The following COLEC10 variants were observed in gnomAD, a reference collection of about 807,000 sequenced individuals.
COLEC10 encodes collectin-10.
In COLEC10, 22 loss-of-function variants were observed where a neutral mutation model predicts 28.4. The ratio of observed to expected loss-of-function variants is 0.78; its 90% CI spans 0.55 to 1.11. COLEC10 has a LOEUF of 1.11. Among genes scored for constraint, COLEC10 ranks in the 50% least tolerant of loss-of-function variants. The pLI is 0.00. For synonymous variants in COLEC10, 125 were observed against 116.1 expected (o/e 1.08, Z -0.49); for missense variants, 361 against 344.1 (o/e 1.05, Z -0.39).
chr8:119,070,477 C>CTCTCTCTCTCTCTCT (rs1815088458), intron 1 of COLEC10, among the ~76,000 whole-genome samples: 1 of 101,796 alleles, frequency 9.8e-6, no homozygotes, highest in African/African-American at 4.2e-5. Flanking sequence ...CTCTCTCTCT[C>CTCTCTCTCTCTCTCT]CTTCCCCCTC....
the COLEC10 span, among the ~76,000 whole-genome samples, chr8:118,969,003 T>C: frequency 6.6e-6 from 1 of 152,036 alleles, no homozygotes; most frequent in Non-Finnish European, 1.5e-5. Context: ...TTTCACATAA[T>C]TGATTACATT....
the COLEC10 span, among the ~76,000 whole-genome samples, chr8:118,958,379 G>A: frequency 2.6e-5 from 4 of 152,192 alleles, no homozygotes; most frequent in Non-Finnish European, 5.9e-5. Flanking sequence ...CTGCTGGGAG[G>A]AGTTCCACTA....
intron 1 of COLEC10, among the ~76,000 whole-genome samples, chr8:119,072,630 C>T (rs1815146594): frequency 6.6e-6 from 1 of 152,128 alleles, no homozygotes; most frequent in Non-Finnish European, 1.5e-5. Flanking sequence ...GAGGCCCCTA[C>T]ACAGTGTTGA....
At chr8:119,084,600 G>T (rs1208303692) in intron 1 of COLEC10, among the ~76,000 whole-genome samples, 2 of 152,198 alleles carry the variant, frequency 1.3e-5, no homozygotes, top group Non-Finnish European at 2.9e-5. Flanking sequence ...CAAGATCACA[G>T]AACTCTATCA....
chr8:119,086,312 A>C (rs572286532), intron 1 of COLEC10, among the ~76,000 whole-genome samples: 1 of 152,324 alleles, frequency 6.6e-6, no homozygotes, highest in African/African-American at 2.4e-5. Context: ...TTTCTAAATG[A>C]AGTAAAATAG....
At chr8:119,014,001 C>G (rs567245654) in intron 2 of COLEC10, among the ~76,000 whole-genome samples, 4 of 150,656 alleles carry the variant, frequency 2.7e-5, no homozygotes, top group Admixed American at 6.6e-5. Flanking sequence ...TATTATTGCT[C>G]TCATTAATAT....
intron 1 of COLEC10, among the ~76,000 whole-genome samples, chr8:119,070,374 T>A (rs1174264461): frequency 1.3e-5 from 2 of 152,098 alleles, no homozygotes; most frequent in African/African-American, 4.8e-5. Flanking sequence ...TTGCAAGCCA[T>A]CATTATTTTT....
chr8:118,966,078 GA>G, the COLEC10 span, among the ~76,000 whole-genome samples: 2 of 151,954 alleles, frequency 1.3e-5, no homozygotes, highest in Admixed American at 6.6e-5. Flanking sequence ...AAGTTAAATG[GA>G]AAAAGACCAG....
intron 2 of COLEC10, among the ~76,000 whole-genome samples, chr8:119,037,817 A>C (rs1009525604): frequency 4.6e-5 from 7 of 152,190 alleles, no homozygotes; most frequent in African/African-American, 1.7e-4. Context: ...TTATTCATTA[A>C]AGTTTGCTTT....
At chr8:119,016,759 C>G (rs576483593) in intron 2 of COLEC10, among the ~76,000 whole-genome samples, 2 of 152,234 alleles carry the variant, frequency 1.3e-5, no homozygotes, top group Non-Finnish European at 2.9e-5. Context: ...GCTCTGTCAC[C>G]AGGCTGGAGT....
chr8:119,005,232 T>C (rs112027931), intron 1 of COLEC10, among the ~76,000 whole-genome samples: 2 of 152,200 alleles, frequency 1.3e-5, no homozygotes, highest in African/African-American at 4.8e-5. Flanking sequence ...ACCCTAGGAT[T>C]TACTGAGCAA....
chr8:119,051,225 A>C (rs1814667912), intron 2 of COLEC10, among the ~76,000 whole-genome samples: 1 of 152,208 alleles, frequency 6.6e-6, no homozygotes. Flanking sequence ...TAAATAATGT[A>C]CCCACTTATT....
At chr8:118,965,331 C>T in the COLEC10 span, among the ~76,000 whole-genome samples, 6 of 152,050 alleles carry the variant, frequency 3.9e-5, no homozygotes, top group South Asian at 4.1e-4. Context: ...TTTGTTCTTA[C>T]GTTTTTCCCT....
chr8:118,964,471 G>T, the COLEC10 span, among the ~76,000 whole-genome samples: 1 of 152,086 alleles, frequency 6.6e-6, no homozygotes, highest in South Asian at 2.1e-4. Context: ...TTATATTAGA[G>T]AATCTCTAAG....
the COLEC10 span, among the ~76,000 whole-genome samples, chr8:118,965,329 T>TA: frequency 1.3e-5 from 2 of 152,204 alleles, no homozygotes; most frequent in East Asian, 1.9e-4. Flanking sequence ...GTTTTGTTCT[T>TA]ACGTTTTTCC....
intron 1 of COLEC10, among the ~76,000 whole-genome samples, chr8:118,995,943 C>T (rs751205370): frequency 1.3e-5 from 2 of 151,836 alleles, no homozygotes; most frequent in Non-Finnish European, 2.9e-5. Context: ...AGGTACAGTA[C>T]AGTATTGTTG....
the COLEC10 span, among the ~76,000 whole-genome samples, chr8:118,985,474 C>T: frequency 6.6e-6 from 1 of 151,820 alleles, no homozygotes; most frequent in South Asian, 2.1e-4. Context: ...TAAATCTTAC[C>T]TAGGGCAGTT....
intron 2 of COLEC10, among the ~76,000 whole-genome samples, chr8:119,041,683 A>G (rs1384339301): frequency 6.6e-6 from 1 of 152,210 alleles, no homozygotes; most frequent in Admixed American, 6.5e-5. Flanking sequence ...TACCTGACAT[A>G]TCTTAGAGAT....
intron 3 of COLEC10, among the ~76,000 whole-genome samples, chr8:119,094,469 C>T (rs1403537669): frequency 3.3e-5 from 5 of 152,240 alleles, no homozygotes; most frequent in African/African-American, 7.2e-5. Flanking sequence ...CTGCTAAGTA[C>T]GACTAGCTGG....
Sources: gnomAD v4.1 joint callset for allele counts (sites outside exome capture counted in the v4.1 genomes callset) on GRCh38, gnomAD v4.1.1 for gene constraint, MANE v1.5 for transcripts, NCBI Gene and HGNC (gene_info 2026-07-23, HGNC 2026-07-21) for gene names.